PCDHGA1: variants seen among roughly 807,000 people sequenced by gnomAD.
The protein encoded by PCDHGA1 is protocadherin gamma subfamily A, 1, also known as protocadherin gamma-A1.
A neutral mutation model predicts 58.0 loss-of-function variants in PCDHGA1; 32 were observed. The ratio of observed to expected loss-of-function variants is 0.55; its 90% CI spans 0.42 to 0.74. The LOEUF (loss-of-function observed/expected upper bound fraction) is 0.74. PCDHGA1 is among the 30% of genes least tolerant of loss of function. PCDHGA1 has a pLI of 0.00. For synonymous variants in PCDHGA1, 498 were observed against 501.1 expected (o/e 0.99, Z 0.08); for missense variants, 1,205 against 1,182.3 (o/e 1.02, Z -0.28).
At chr5:141,388,953 G>A (rs1266765544) in intron 1 of PCDHGA1, 13 of 1,614,022 alleles carry the variant, frequency 8.1e-6, no homozygotes, top group Non-Finnish European at 1.1e-5. Context: ...AATTATGGAG[G>A]ACGCCGAGCT....
intron 1 of PCDHGA1, chr5:141,345,644 C>G (rs1757613980): frequency 1.2e-6 from 2 of 1,614,206 alleles, no homozygotes; most frequent in Non-Finnish European, 1.7e-6. Context: ...CCAGCGACAG[C>G]GGGAACCCTC....
chr5:141,430,992 A>G (rs1223969128), intron 1 of PCDHGA1: 2 of 1,613,824 alleles, frequency 1.2e-6, no homozygotes, highest in Admixed American at 3.3e-5. Context: ...TTCGCCCTGA[A>G]TCCGCGCAGC....
chr5:141,344,218 G>A (rs181165081), intron 1 of PCDHGA1: 2 of 1,614,034 alleles, frequency 1.2e-6, no homozygotes, highest in Non-Finnish European at 1.7e-6. Context: ...CTGGCGGAGC[G>A]CGGAGTCCGC....
At chr5:141,346,014 A>C (rs1561491406) in intron 1 of PCDHGA1, 4 of 1,613,178 alleles carry the variant, frequency 2.5e-6, no homozygotes. Flanking sequence ...TGTCACGCTC[A>C]CCGTGGCCGT....
intron 1 of PCDHGA1, chr5:141,413,675 G>C (rs773300658): frequency 6.2e-7 from 1 of 1,613,826 alleles, no homozygotes; most frequent in Non-Finnish European, 8.5e-7. Context: ...CCGGATGTGG[G>C]CGTGAACTCC....
chr5:141,365,644 C>A (rs762390093), intron 1 of PCDHGA1: 3 of 1,613,554 alleles, frequency 1.9e-6, no homozygotes, highest in Non-Finnish European at 2.5e-6. Context: ...AAAGCCACAT[C>A]CCCTTGAAAG....
In PCDHGA1 at chr5:141,490,304, T is replaced by G. The variant is rs2099698490; in HGVS notation, c.2422-4503T>G. On this transcript the variant is annotated intron_variant, in intron 1 of 3. Coordinates refer to ENST00000517417, the MANE Select transcript of PCDHGA1 (RefSeq NM_018912.3). This position sits in a 1 kb window ranked among gnomAD's most constrained non-coding sequence, Gnocchi z 5.4. ...GCCCCAGAGGTGCTATTGGCCTCTT[T>G]GGCCAACCCTGTCCTAGAGAGCACA... 1.2e-6 allele frequency: 2 copies of G among 1,614,026 alleles called. No homozygotes were observed. The highest frequency in any genetic ancestry group is 1.7e-5 in the Admixed American group (1 of 60,010).
At position 141,330,957 on chromosome 5, in the gene PCDHGA1, C is replaced by T; in HGVS notation, c.273C>T (p.Asp91=). ...GCTTGATCACCGCGCGCAGGATAGA[C>T]CGGGAGGAGCTCTGCGCTCAGAGCA... ...SGSLITARRI[D]REELCAQSMP... is the part of the protein sequence containing the mutation. Residue 91 remains aspartate, a synonymous_variant, in exon 1 of 4, where the codon GAC becomes GAT. Transcript: ENST00000517417. 6.2e-7 allele frequency: 1 copy of T among 1,614,192 alleles called. No individual in the cohort carries two copies. Among genetic ancestry groups the T allele is most frequent in the South Asian group, 1.1e-5 (1 of 91,086 alleles).
rs578188210 is a variant in PCDHGA1 at position 141,360,311 on chromosome 5, G to A, written c.2421+27206G>A. 3.1e-6 allele frequency: 5 copies of A among 1,613,936 alleles called. No homozygotes were observed. The East Asian group carries it at 1.1e-4, about 36-fold the overall frequency. ...GCCAAGGATCTGGGGCTCAGCGTCC[G>A]GGACTTGCCAGCCCGGAAGCTGCGG... is the stretch of plus-strand genomic sequence containing the variant. On this transcript the variant is annotated intron_variant, in intron 1 of 3. Transcript: ENST00000517417.
At chr5:141,372,333 C>A (rs376897075) in intron 1 of PCDHGA1, 5 of 1,613,732 alleles carry the variant, frequency 3.1e-6, no homozygotes, top group Non-Finnish European at 4.2e-6. Context: ...GGTCACTGTG[C>A]GTGATGGAGG....
In PCDHGA1 at chr5:141,477,696, A is replaced by T. The variant is rs778604051; in HGVS notation, c.2422-17111A>T. The T allele has an allele frequency of 2.1e-5, 34 of 1,614,054 alleles. No individual in the cohort carries two copies. Among genetic ancestry groups the T allele is most frequent in the Non-Finnish European group, 2.9e-5 (34 of 1,180,044 alleles). On this transcript the variant is annotated intron_variant, in intron 1 of 3. Transcript: ENST00000517417. This position sits in a 1 kb window ranked among gnomAD's most constrained non-coding sequence, Gnocchi z 4.9. ...GTGTCATCCTTAGTGCCCCTAGACT[A>T]TGAGGATCGGCGGGAATTTGAATTA...
chr5:141,383,238 A>G (rs1381388622), intron 1 of PCDHGA1: 1 of 1,613,848 alleles, frequency 6.2e-7, no homozygotes, highest in Non-Finnish European at 8.5e-7. Flanking sequence ...TGGAAGATAA[A>G]ATGAATCTTT....
intron 1 of PCDHGA1, chr5:141,421,043 C>T (rs1201118615): frequency 5.5e-6 from 3 of 548,238 alleles, no homozygotes; most frequent in African/African-American, 3.9e-5. Flanking sequence ...CCTCCCTCCC[C>T]CGCCTCTACC....
rs1771007417 is a variant in PCDHGA1, at chr5:141,374,980, A to G, written c.2421+41875A>G. ...TTTTCTGTTTGAATGTTTTGACTGG[A>G]GAAATTTCAACTTCTGCAAATCTAG... On this transcript the variant is annotated intron_variant, in intron 1 of 3. Transcript: ENST00000517417. 3 of 1,613,920 alleles carry G rather than the reference A, an allele frequency of 1.9e-6. No homozygotes were observed. The Admixed American group carries it at 5.0e-5, about 27-fold the overall frequency.
intron 1 of PCDHGA1, chr5:141,375,646 C>G (rs765389165): frequency 1.2e-6 from 2 of 1,614,228 alleles, no homozygotes; most frequent in Non-Finnish European, 1.7e-6. Flanking sequence ...GCTCCTTCGA[C>G]TATGAGCAGT....
intron 1 of PCDHGA1, chr5:141,399,517 G>A: frequency 1.9e-6 from 3 of 1,613,998 alleles, no homozygotes; most frequent in Non-Finnish European, 2.5e-6. Flanking sequence ...CAACCCTCCT[G>A]GGGCCTCCAT....
chr5:141,418,681 C>T (rs778899235), intron 1 of PCDHGA1: 2 of 1,614,052 alleles, frequency 1.2e-6, no homozygotes, highest in Non-Finnish European at 1.7e-6. Flanking sequence ...AGGGCATCAA[C>T]TCAGAGATCA....
At chr5:141,369,742 A>G (rs1766466506) in intron 1 of PCDHGA1, among the ~76,000 whole-genome samples, 1 of 152,236 alleles carries the variant, frequency 6.6e-6, no homozygotes, top group African/African-American at 2.4e-5. Flanking sequence ...AGGAAATAGA[A>G]TGCAATAAGA....
chr5:141,357,845 T>G, intron 1 of PCDHGA1: 1 of 621,436 alleles, frequency 1.6e-6, no homozygotes, highest in Admixed American at 3.4e-5. Flanking sequence ...AGTTGTAGTT[T>G]CAGCCAGAAT....
Sources: gnomAD v4.1 joint callset for allele counts (sites outside exome capture counted in the v4.1 genomes callset) on GRCh38, gnomAD v4.1.1 for gene constraint, Gnocchi (gnomAD v3.1) non-coding constraint, MANE v1.5 for transcripts, NCBI Gene and HGNC (gene_info 2026-07-23, HGNC 2026-07-21) for gene names.